The following DTNA variants were observed in gnomAD, a reference collection of about 807,000 sequenced individuals.
The protein encoded by DTNA is dystrophin-related protein 3.
In DTNA, 43 loss-of-function variants were observed where a neutral mutation model predicts 100.7. The observed-to-expected ratio is 0.43, with a 90% CI of 0.33 to 0.55. The LOEUF (loss-of-function observed/expected upper bound fraction) is 0.55. Among genes scored for constraint, DTNA ranks in the 20% least tolerant of loss-of-function variants. The pLI is 0.04. For synonymous variants in DTNA, 349 were observed against 347.9 expected (o/e 1.00, Z -0.04); for missense variants, 798 against 953.9 (o/e 0.84, Z 2.15).
intron 9 of DTNA, chr18:34,821,420 G>T (rs760208525): frequency 1.8e-5 from 8 of 456,208 alleles, no homozygotes; most frequent in Non-Finnish European, 3.1e-5. Flanking sequence ...AGGTTGAAGA[G>T]GGGGAGTGGC....
chr18:34,574,816 A>G (rs2047957025), intron 1 of DTNA, among the ~76,000 whole-genome samples: 1 of 151,854 alleles, frequency 6.6e-6, no homozygotes, highest in African/African-American at 2.4e-5. Context: ...TTTTATTACT[A>G]TTTTTGTAGA....
intron 1 of DTNA, among the ~76,000 whole-genome samples, chr18:34,657,601 T>A (rs1008527039): frequency 1.9e-4 from 29 of 152,150 alleles, no homozygotes; most frequent in Admixed American, 5.2e-4. Flanking sequence ...TTTAAAATAT[T>A]TTTATAACTT....
At chr18:34,511,234 C>T (rs2041054343) in intron 1 of DTNA, among the ~76,000 whole-genome samples, 1 of 151,962 alleles carries the variant, frequency 6.6e-6, no homozygotes, top group Admixed American at 6.6e-5. Context: ...TGGAGTCAGA[C>T]TAAAGAAAGT....
intron 1 of DTNA, among the ~76,000 whole-genome samples, chr18:34,506,739 C>T (rs1479945489): frequency 1.3e-5 from 2 of 152,112 alleles, no homozygotes; most frequent in African/African-American, 4.8e-5. Flanking sequence ...AGGGAACTCA[C>T]CATCATGTCA....
intron 1 of DTNA, among the ~76,000 whole-genome samples, chr18:34,647,162 C>T (rs1599552190): frequency 1.3e-5 from 2 of 152,130 alleles, no homozygotes; most frequent in African/African-American, 2.4e-5. Context: ...GAATAACACA[C>T]GGGTAGCCAC....
intron 11 of DTNA, among the ~76,000 whole-genome samples, chr18:34,833,100 A>G (rs1388572989): frequency 6.6e-6 from 1 of 152,118 alleles, no homozygotes; most frequent in Non-Finnish European, 1.5e-5. Context: ...TGTTTCTATA[A>G]TATTTGTTCT....
At position 34,753,383 on chromosome 18, in the gene DTNA, ATT is replaced by A. The variant is rs1568413203; in HGVS notation, c.-1-2588_-1-2587del. On this transcript the variant is annotated intron_variant, in intron 1 of 22. Coordinates refer to ENST00000444659, the MANE Select transcript of DTNA (RefSeq NM_001386795.1). ...TTTATTTTATTTTTTTTTTTTTTTT[ATT>A]TTTTATTTTTTTTTTGAGACGGAGT... Among the ~76,000 whole-genome samples the A allele has an allele frequency of 9.5e-4, 12 of 12,638 alleles. 3 individuals carry two copies. The highest frequency in any genetic ancestry group is 3.0e-3 in the African/African-American group (12 of 4,038). 8.3% of individuals were successfully genotyped at this position (12,638 alleles called of 152,430 possible).
chr18:34,851,756 C>T, intron 14 of DTNA, 75 bp from the exon 15 acceptor site: 1 of 1,449,656 alleles, frequency 6.9e-7, no homozygotes, highest in Non-Finnish European at 9.6e-7. Context: ...GTCTGCATAT[C>T]TCATGACTCC....
At chr18:34,860,827 C>T (rs1290527681) in intron 16 of DTNA, among the ~76,000 whole-genome samples, 1 of 152,172 alleles carries the variant, frequency 6.6e-6, no homozygotes, top group Admixed American at 6.5e-5. Flanking sequence ...TTGCTGCATA[C>T]TAACTCTACA....
intron 1 of DTNA, among the ~76,000 whole-genome samples, chr18:34,519,973 T>C (rs949644792): frequency 6.6e-6 from 1 of 152,194 alleles, no homozygotes; most frequent in Admixed American, 6.5e-5. Flanking sequence ...CACATTGTAA[T>C]GTTTACTTGC....
intron 1 of DTNA, among the ~76,000 whole-genome samples, chr18:34,570,628 GCA>G (rs1156622236): frequency 6.6e-6 from 1 of 152,130 alleles, no homozygotes; most frequent in Non-Finnish European, 1.5e-5. Flanking sequence ...TGAAGAATTT[GCA>G]CAGATTTGCA....
At chr18:34,687,118 G>A (rs1264676725) in intron 1 of DTNA, among the ~76,000 whole-genome samples, 1 of 151,994 alleles carries the variant, frequency 6.6e-6, no homozygotes, top group Non-Finnish European at 1.5e-5. Context: ...ATTTTTTGAA[G>A]GGTTTTTCAT....
chr18:34,867,427 A>G (rs2096717476), intron 17 of DTNA: 1 of 1,226,892 alleles, frequency 8.2e-7, no homozygotes, highest in Non-Finnish European at 1.0e-6. Flanking sequence ...CACATAACAC[A>G]TACAGCCTGT....
rs1415796379 is a variant in DTNA, at chr18:34,713,917, C to CTGTT, written c.-2+3475_-2+3476insTTGT. On this transcript the variant is annotated intron_variant, in intron 1 of 22. Transcript: ENST00000444659. ...GGGAGTTCACTCATGATTTGGCTCT[C>CTGTT]TGTCTGTTGTTGGTGTATAAGAATG... 5.3e-4 allele frequency among the ~76,000 whole-genome samples: 81 copies of CTGTT among 152,166 alleles called. 1 individual carries two copies. The highest frequency in any genetic ancestry group is 1.1e-3 in the Non-Finnish European group (76 of 68,018).
At chr18:34,862,142 A>AG (rs56854769) in intron 16 of DTNA, among the ~76,000 whole-genome samples, 7 of 146,442 alleles carry the variant, frequency 4.8e-5, no homozygotes, top group African/African-American at 1.3e-4. Flanking sequence ...AAAAAAAAAA[A>AG]AGAGAAAGAG....
At chr18:34,822,432 C>T (rs1465643625) in intron 9 of DTNA, 1 of 152,242 alleles carries the variant, frequency 6.6e-6, no homozygotes, top group Non-Finnish European at 1.5e-5. Context: ...AAGAGAGCAG[C>T]CTTCAACAGA....
At chr18:34,529,103 A>G (rs914754753) in intron 1 of DTNA, among the ~76,000 whole-genome samples, 1 of 152,124 alleles carries the variant, frequency 6.6e-6, no homozygotes, top group African/African-American at 2.4e-5. Flanking sequence ...TGTCAACATG[A>G]GGAAAAGACG....
chr18:34,797,614 G>A (rs1385159880), intron 4 of DTNA, among the ~76,000 whole-genome samples: 1 of 152,112 alleles, frequency 6.6e-6, no homozygotes, highest in East Asian at 1.9e-4. Context: ...CTTTAATGTT[G>A]TTCTTATTAT....
chr18:34,881,987 G>A (rs979120461), intron 20 of DTNA, 82 bp from the exon 21 acceptor site: 11 of 1,599,544 alleles, frequency 6.9e-6, no homozygotes, highest in South Asian at 3.3e-5. Flanking sequence ...AGGTGCCAAC[G>A]AAACTACAGC....
Sources: gnomAD v4.1 joint callset for allele counts (sites outside exome capture counted in the v4.1 genomes callset) on GRCh38, gnomAD v4.1.1 for gene constraint, MANE v1.5 for transcripts, NCBI Gene and HGNC (gene_info 2026-07-23, HGNC 2026-07-21) for gene names.